The following KLHL32 variants were observed in gnomAD, a reference collection of about 807,000 sequenced individuals.
KLHL32 encodes kelch like family member 32.
A neutral mutation model predicts 64.8 loss-of-function variants in KLHL32; 35 were observed. That is an observed-to-expected ratio of 0.54 (90% CI 0.41 to 0.72). The LOEUF is 0.72. Among genes scored for constraint, KLHL32 ranks in the 30% least tolerant of loss-of-function variants. The probability of loss-of-function intolerance (pLI) is 0.00; values close to 1 mark genes in which losing one functional copy is unlikely to be tolerated. For synonymous variants in KLHL32, 259 were observed against 281.0 expected (o/e 0.92, Z 0.78); for missense variants, 589 against 768.5 (o/e 0.77, Z 2.76).
At chr6:97,099,515 C>A (rs1466059087) in intron 6 of KLHL32, among the ~76,000 whole-genome samples, 1 of 152,204 alleles carries the variant, frequency 6.6e-6, no homozygotes, top group African/African-American at 2.4e-5. Flanking sequence ...TCTCAACTAT[C>A]CTACAGATTC....
chr6:96,994,215 C>T (rs1269536229), intron 3 of KLHL32, among the ~76,000 whole-genome samples: 2 of 152,202 alleles, frequency 1.3e-5, no homozygotes, highest in East Asian at 1.9e-4. Flanking sequence ...GTGTCTTATA[C>T]TCTATCAAAC....
At chr6:96,999,734 A>T (rs1271688614) in intron 3 of KLHL32, among the ~76,000 whole-genome samples, 1 of 152,178 alleles carries the variant, frequency 6.6e-6, no homozygotes, top group East Asian at 1.9e-4. Context: ...TATTTTTATT[A>T]CAGTAGCTAT....
intron 6 of KLHL32, among the ~76,000 whole-genome samples, chr6:97,097,643 T>C (rs1795165410): frequency 6.7e-6 from 1 of 149,810 alleles, no homozygotes; most frequent in African/African-American, 2.5e-5. Context: ...CTTTTTTTTT[T>C]CTTTTTTCAA....
chr6:96,957,366 A>G (rs1773395893), intron 1 of KLHL32, among the ~76,000 whole-genome samples: 1 of 152,142 alleles, frequency 6.6e-6, no homozygotes, highest in African/African-American at 2.4e-5. Flanking sequence ...TTATTACAGG[A>G]CTTTCTAATT....
chr6:97,031,069 T>C (rs1783468788), intron 3 of KLHL32, among the ~76,000 whole-genome samples: 1 of 152,194 alleles, frequency 6.6e-6, no homozygotes, highest in African/African-American at 2.4e-5. Flanking sequence ...TCACCTCTTT[T>C]GCTGCCAAGG....
the KLHL32 span, among the ~76,000 whole-genome samples, chr6:96,917,528 A>G: frequency 6.6e-6 from 1 of 152,214 alleles, no homozygotes; most frequent in Non-Finnish European, 1.5e-5. Flanking sequence ...AACAACAGCT[A>G]TGACAGAGGC....
the KLHL32 span, among the ~76,000 whole-genome samples, chr6:96,904,623 C>T: frequency 2.0e-5 from 3 of 152,072 alleles, no homozygotes; most frequent in Non-Finnish European, 2.9e-5. Context: ...ATTGTAATAG[C>T]GTTTTTAATG....
intron 3 of KLHL32, among the ~76,000 whole-genome samples, chr6:97,027,368 C>G (rs1216861666): frequency 6.6e-6 from 1 of 152,052 alleles, no homozygotes; most frequent in Admixed American, 6.5e-5. Flanking sequence ...AAGCCATTAC[C>G]AATATCAGAT....
In KLHL32 at chr6:96,955,791, G is replaced by T. The variant is rs1773185678; in HGVS notation, c.-65-11205G>T. ...GTCTCTACTAAAAATATAAAAATTA[G>T]CTGGGCGTGGTGGTGGGTGCCTGTA... On this transcript the variant is annotated intron_variant, in intron 1 of 10. Coordinates refer to ENST00000369261, the MANE Select transcript of KLHL32 (RefSeq NM_052904.4). Among the ~76,000 whole-genome samples, 4 of 152,110 alleles carry T rather than the reference G, an allele frequency of 2.6e-5. No individual in the cohort carries two copies. The South Asian group carries it at 8.3e-4, about 32-fold the overall frequency.
chr6:96,906,122 G>A, the KLHL32 span, among the ~76,000 whole-genome samples: 2 of 152,208 alleles, frequency 1.3e-5, no homozygotes, highest in Admixed American at 1.3e-4. Flanking sequence ...TCTGTTGGAT[G>A]TGACACTGTT....
At chr6:96,961,006 G>A (rs1773821858) in intron 1 of KLHL32, among the ~76,000 whole-genome samples, 1 of 152,154 alleles carries the variant, frequency 6.6e-6, no homozygotes. Flanking sequence ...TAAGTCAGTT[G>A]TCTCCTGGAT....
At chr6:97,126,752 TTAA>T (rs770370710) in intron 7 of KLHL32, among the ~76,000 whole-genome samples, 2 of 152,214 alleles carry the variant, frequency 1.3e-5, no homozygotes, top group Admixed American at 6.5e-5. Context: ...ATAAAATATC[TTAA>T]TAATTTTTAT....
At position 97,007,263 on chromosome 6, in the gene KLHL32, T is replaced by C. The variant is rs189464080; in HGVS notation, c.204+31086T>C. 9.2e-5 allele frequency among the ~76,000 whole-genome samples: 14 copies of C among 152,060 alleles called. No homozygotes were observed. The East Asian group carries it at 2.7e-3, about 29-fold the overall frequency. On this transcript the variant is annotated intron_variant, in intron 3 of 10. Transcript: ENST00000369261. ...GGTAGTCTTCGAGTTCTGAGACTCT[T>C]TCTTTGGCTTCATCATTTCTGCCGT...
chr6:97,019,815 C>T (rs1306344443), intron 3 of KLHL32, among the ~76,000 whole-genome samples: 1 of 152,128 alleles, frequency 6.6e-6, no homozygotes, highest in Non-Finnish European at 1.5e-5. Flanking sequence ...GAGTCTCCCT[C>T]TGTCGCCAGG....
At chr6:97,052,376 A>G (rs1005882614) in intron 4 of KLHL32, among the ~76,000 whole-genome samples, 1 of 152,264 alleles carries the variant, frequency 6.6e-6, no homozygotes, top group Non-Finnish European at 1.5e-5. Context: ...GTATTATACA[A>G]TTCTAAACAA....
chr6:97,070,741 A>G (rs1350421637), intron 5 of KLHL32, among the ~76,000 whole-genome samples: 1 of 152,204 alleles, frequency 6.6e-6, no homozygotes, highest in Non-Finnish European at 1.5e-5. Flanking sequence ...CACTTTCAGT[A>G]TGCATTTTTC....
chr6:97,100,799 C>CTTTTT (rs763909891), intron 6 of KLHL32, among the ~76,000 whole-genome samples: 6 of 96,270 alleles, frequency 6.2e-5, no homozygotes, highest in Non-Finnish European at 1.0e-4. Flanking sequence ...GCTCATTATT[C>CTTTTT]TTTTTTTTTT....
chr6:97,034,107 A>G (rs557678065), intron 3 of KLHL32, among the ~76,000 whole-genome samples: 127 of 148,112 alleles, frequency 8.6e-4, no homozygotes, highest in Non-Finnish European at 6.6e-4. Flanking sequence ...GCTTAGACCA[A>G]TGTCAAGGAG....
At chr6:96,982,915 A>T (rs886348703) in intron 3 of KLHL32, among the ~76,000 whole-genome samples, 5 of 152,238 alleles carry the variant, frequency 3.3e-5, no homozygotes, top group Admixed American at 1.3e-4. Flanking sequence ...TTCCAACACT[A>T]TGTTCAATAG....
Sources: allele counts gnomAD v4.1 joint callset (sites outside exome capture counted in the v4.1 genomes callset), GRCh38; gene constraint gnomAD v4.1.1; transcripts MANE v1.5; gene names NCBI Gene and HGNC (gene_info 2026-07-23, HGNC 2026-07-21).